The following PDE10A variants were observed in gnomAD, a reference collection of about 807,000 sequenced individuals.
The protein encoded by PDE10A is phosphodiesterase 10A, also known as cAMP and cAMP-inhibited cGMP 3',5'-cyclic phosphodiesterase 10A.
PDE10A carries 39 observed loss-of-function variants against 97.7 expected under a neutral mutation model. That is an observed-to-expected ratio of 0.40 (90% confidence interval 0.31 to 0.52). The LOEUF (loss-of-function observed/expected upper bound fraction) is 0.52, where lower values mean the gene tolerates loss of function less well. PDE10A is among the 20% of genes least tolerant of loss of function. The pLI is 0.56. For missense variants in PDE10A, 731 were observed against 1,047.8 expected, an observed-to-expected ratio of 0.70 and a Z score of 4.17; for synonymous variants, 371 against 376.8, an observed-to-expected ratio of 0.98 and a Z score of 0.18.
chr6:165,522,730 C>T (rs1257321044), intron 2 of PDE10A, among the ~76,000 whole-genome samples: 2 of 152,032 alleles, frequency 1.3e-5, no homozygotes, highest in East Asian at 3.9e-4. Context: ...AGAATGTCCA[C>T]TCTTATCACT....
intron 1 of PDE10A, among the ~76,000 whole-genome samples, chr6:165,647,875 T>C (rs1019427528): frequency 1.3e-5 from 2 of 152,210 alleles, no homozygotes; most frequent in African/African-American, 2.4e-5. Context: ...CTATATATTA[T>C]CTCATTTAAT....
chr6:165,427,648 A>T (rs976503720), intron 10 of PDE10A, among the ~76,000 whole-genome samples: 2 of 152,266 alleles, frequency 1.3e-5, no homozygotes, highest in Middle Eastern at 3.4e-3. Context: ...ATAGTATGTA[A>T]ATTACACTTC....
At chr6:165,472,718 A>T (rs1779085720) in intron 3 of PDE10A, among the ~76,000 whole-genome samples, 1 of 152,168 alleles carries the variant, frequency 6.6e-6, no homozygotes, top group Non-Finnish European at 1.5e-5. Context: ...AGTTCTTCTG[A>T]ATGTATAACA....
At chr6:165,749,490 C>A (rs1248947054) in intron 1 of PDE10A, among the ~76,000 whole-genome samples, 1 of 152,070 alleles carries the variant, frequency 6.6e-6, no homozygotes, top group Non-Finnish European at 1.5e-5. Context: ...ACCATCATCA[C>A]CATCACCACC....
chr6:165,560,814 A>C (rs1225421860), intron 1 of PDE10A, among the ~76,000 whole-genome samples: 1 of 151,998 alleles, frequency 6.6e-6, no homozygotes, highest in Non-Finnish European at 1.5e-5. Context: ...CAGGTGTTAG[A>C]GGTGGGGGCT....
chr6:165,583,934 T>C lies in PDE10A; in HGVS notation c.866-40366A>G, dbSNP rs554747330. 1.0e-3 allele frequency among the ~76,000 whole-genome samples: 155 copies of C among 152,228 alleles called. 1 individual carries two copies. Among genetic ancestry groups the C allele is most frequent in the African/African-American group, 3.5e-3 (144 of 41,544 alleles). ...TCGTCCTTAGCTTCAAAGGGAGGAATGTTTCTACCAGAAGACACAATGGCT... is the reference window on the plus strand; with the variant it reads ...TCGTCCTTAGCTTCAAAGGGAGGAACGTTTCTACCAGAAGACACAATGGCT... On this transcript the variant is annotated intron_variant, in intron 1 of 21. Transcript: ENST00000539869.
At chr6:165,972,659 G>A (rs540139525) in intron 1 of PDE10A, among the ~76,000 whole-genome samples, 6 of 152,092 alleles carry the variant, frequency 3.9e-5, no homozygotes, top group African/African-American at 9.7e-5. Flanking sequence ...ATGCAGGTGC[G>A]TGCCCCTTCA....
At position 165,394,374 on chromosome 6, in the gene PDE10A, A is replaced by G. The variant is rs1785968379; in HGVS notation, c.2303+807T>C. 2.6e-5 allele frequency among the ~76,000 whole-genome samples: 4 copies of G among 152,098 alleles called. No individual in the cohort carries two copies. The South Asian group carries it at 8.3e-4, about 32-fold the overall frequency. On this transcript the variant is annotated intron_variant, in intron 15 of 21. Transcript: ENST00000539869. Reference sequence around the variant, plus strand: ...AGAATGATGGTTTCCAGCTTCATCCATGTCCCTGCAAAGGACATGAACTCA... The same window carrying G: ...AGAATGATGGTTTCCAGCTTCATCCGTGTCCCTGCAAAGGACATGAACTCA...
At chr6:165,904,853 A>G (rs1429431228) in intron 1 of PDE10A, among the ~76,000 whole-genome samples, 1 of 152,202 alleles carries the variant, frequency 6.6e-6, no homozygotes, top group Non-Finnish European at 1.5e-5. Flanking sequence ...TTTTATCAGC[A>G]GCATAAAATT....
intron 3 of PDE10A, among the ~76,000 whole-genome samples, chr6:165,459,767 AC>A (rs747309877): frequency 3.5e-4 from 53 of 151,916 alleles, no homozygotes; most frequent in Non-Finnish European, 6.9e-4. Context: ...GCATAAAGCT[AC>A]TCTGCTAGCA....
chr6:165,358,862 C>A (rs1163805115), intron 18 of PDE10A, among the ~76,000 whole-genome samples: 1 of 151,538 alleles, frequency 6.6e-6, no homozygotes, highest in East Asian at 2.0e-4. Context: ...ATATTCTAAT[C>A]TCTAGGGAAA....
chr6:165,808,881 A>G (rs1368228971), intron 1 of PDE10A, among the ~76,000 whole-genome samples: 2 of 152,332 alleles, frequency 1.3e-5, no homozygotes, highest in Admixed American at 6.5e-5. Flanking sequence ...TTTTTCTCTC[A>G]CGTGAAGTAA....
rs140742935 is a variant in PDE10A, at chr6:165,835,033, G to A, written c.-615+152496C>T. ...GACCAAGTCAGAGTCCAGCTTTTCGGAGCACGTGTGGGCTGCAGAAGTCAT... is the reference window on the plus strand; with the variant it reads ...GACCAAGTCAGAGTCCAGCTTTTCGAAGCACGTGTGGGCTGCAGAAGTCAT... On this transcript the variant is annotated intron_variant, in intron 1 of 19. Transcript: ENST00000366882. Among the ~76,000 whole-genome samples the A allele has an allele frequency of 1.8e-4, 28 of 152,314 alleles. No individual in the cohort carries two copies. The East Asian group carries it at 5.2e-3, about 28-fold the overall frequency.
intron 1 of PDE10A, among the ~76,000 whole-genome samples, chr6:165,574,465 A>G (rs1452588369): frequency 6.6e-6 from 1 of 152,204 alleles, no homozygotes; most frequent in Non-Finnish European, 1.5e-5. Context: ...TGAGGGATTC[A>G]AAGAGAATTT....
At chr6:165,663,633 G>A (rs1790409998), upstream of PDE10A, among the ~76,000 whole-genome samples, 3 of 152,276 alleles carry the variant, frequency 2.0e-5, no homozygotes, top group South Asian at 6.2e-4. Context: ...AAATCAACTC[G>A]CAGTGTTTCC....
intron 1 of PDE10A, among the ~76,000 whole-genome samples, chr6:165,769,779 G>A (rs1378964380): frequency 6.6e-6 from 1 of 152,166 alleles, no homozygotes; most frequent in Non-Finnish European, 1.5e-5. Flanking sequence ...AGCAGAGAGA[G>A]GGCATTGGTG....
At chr6:165,337,547 C>T (rs983416498) in intron 20 of PDE10A, among the ~76,000 whole-genome samples, 1 of 152,090 alleles carries the variant, frequency 6.6e-6, no homozygotes, top group Non-Finnish European at 1.5e-5. Context: ...TGTCATGGGG[C>T]ACAAGATCCC....
At chr6:165,707,653 A>ATATGTGAGCGTGTGTGTGTAAGCG (rs1386318057) in intron 1 of PDE10A, among the ~76,000 whole-genome samples, 7 of 151,232 alleles carry the variant, frequency 4.6e-5, no homozygotes, top group Non-Finnish European at 1.0e-4. Flanking sequence ...ATGTTTGGGT[A>ATATGTGAGCGTGTGTGTGTAAGCG]TATGTGAGCG....
intron 1 of PDE10A, among the ~76,000 whole-genome samples, chr6:165,972,609 T>C (rs190159920): frequency 6.6e-6 from 1 of 152,286 alleles, no homozygotes; most frequent in East Asian, 1.9e-4. Flanking sequence ...GGGACAGTGA[T>C]GACAGGAGTC....
Sources: allele counts gnomAD v4.1 joint callset (sites outside exome capture counted in the v4.1 genomes callset), GRCh38; gene constraint gnomAD v4.1.1; transcripts MANE v1.5; gene names NCBI Gene and HGNC (gene_info 2026-07-23, HGNC 2026-07-21).